NLRP9: variants seen among roughly 807,000 people sequenced by gnomAD.
NLRP9 encodes NLR family pyrin domain containing 9, also known as NACHT, LRR and PYD domains-containing protein 9.
A neutral mutation model predicts 83.1 loss-of-function variants in NLRP9; 88 were observed. The observed-to-expected ratio is 1.06, with a 90% confidence interval of 0.89 to 1.26. NLRP9 has a LOEUF of 1.26. NLRP9 is among the 50% of genes most tolerant of loss of function. The pLI is 0.00. For synonymous variants in NLRP9, 521 were observed against 447.6 expected, an observed-to-expected ratio of 1.16 and a Z score of -2.07; for missense variants, 1,308 against 1,179.3, an observed-to-expected ratio of 1.11 and a Z score of -1.60.
intron 8 of NLRP9, among the ~76,000 whole-genome samples, chr19:55,710,068 A>G (rs1443987717): frequency 6.6e-6 from 1 of 152,172 alleles, no homozygotes; most frequent in Non-Finnish European, 1.5e-5. Flanking sequence ...TTTATCTTAA[A>G]TCTTCAGAGG....
At chr19:55,724,203 C>T in intron 3 of NLRP9, 59 bp from the exon 4 acceptor site, 1 of 1,221,144 alleles carries the variant, frequency 8.2e-7, no homozygotes, top group Non-Finnish European at 1.2e-6. Context: ...CAAAGACAGA[C>T]ACCTCTTGTA....
intron 1 of NLRP9, among the ~76,000 whole-genome samples, chr19:55,734,542 T>TATATATATAC (rs138779232): frequency 4.7e-5 from 7 of 148,520 alleles, no homozygotes; most frequent in Non-Finnish European, 7.4e-5. Context: ...TATATATATA[T>TATATATATAC]ACATATATAC....
Position 55,732,015 on chromosome 19 carries a change from A to C in NLRP9, c.1816T>G (p.Ser606Ala). Reference protein sequence around the residue: ...MCVENIFPDDSGCISDYNEKL... With the variant: ...MCVENIFPDDAGCISDYNEKL... Reference sequence around the variant, plus strand: ...CAGACTCACTCTGAGATGCATCCTGAGTCATCTGGAAAGATATTCTCCACA... The same window carrying C: ...CAGACTCACTCTGAGATGCATCCTGCGTCATCTGGAAAGATATTCTCCACA... The change falls in exon 2 of 9, where the codon TCA becomes GCA. Residue 606 changes from serine (S) to alanine (A), a missense_variant. Ser to Ala is a moderately conservative substitution (Grantham distance 99). Coordinates refer to ENST00000332836, the MANE Select transcript of NLRP9 (RefSeq NM_176820.4). 2.5e-6 allele frequency: 4 copies of C among 1,568,726 alleles called. No homozygotes were observed. The highest frequency in any genetic ancestry group is 1.4e-5 in the African/African-American group (1 of 73,458).
chr19:55,733,598 C>G, intron 1 of NLRP9, 48 bp from the exon 2 acceptor site: 1 of 1,074,648 alleles, frequency 9.3e-7, no homozygotes, highest in Non-Finnish European at 1.4e-6. Context: ...TGCACTCATT[C>G]TTTTATACTT....
rs535094803 is a variant in NLRP9, at chr19:55,720,433, C to T, written c.2160-3535G>A. Among the ~76,000 whole-genome samples, 94 of 152,310 alleles carry T rather than the reference C, an allele frequency of 6.2e-4. No individual in the cohort carries two copies. In the South Asian group the frequency reaches 8.3e-3, roughly 13 times the overall value. ...CTTGGACCTTTGGGCTCAAGAGATCCTCCTGCATCAGCCTGATGAGTAAGC... is the reference window on the plus strand; with the variant it reads ...CTTGGACCTTTGGGCTCAAGAGATCTTCCTGCATCAGCCTGATGAGTAAGC... On this transcript the variant is annotated intron_variant, in intron 4 of 8. Coordinates refer to ENST00000332836, the MANE Select transcript of NLRP9 (RefSeq NM_176820.4).
intron 3 of NLRP9, among the ~76,000 whole-genome samples, chr19:55,728,446 C>T (rs10407202): frequency 0.075 from 11,344 of 152,148 alleles, 481 homozygotes; most frequent in Non-Finnish European, 0.088. Flanking sequence ...GTGGTGCATG[C>T]CTGTAATCCC....
intron 3 of NLRP9, among the ~76,000 whole-genome samples, chr19:55,728,907 CTG>C (rs1314530829): frequency 6.6e-6 from 1 of 152,048 alleles, no homozygotes. Context: ...CAGGGAACAA[CTG>C]TGTTTCTATC....
chr19:55,719,490 C>T (rs1488002036), intron 4 of NLRP9, among the ~76,000 whole-genome samples: 1 of 152,238 alleles, frequency 6.6e-6, no homozygotes, highest in African/African-American at 2.4e-5. Flanking sequence ...TTCTCCATCC[C>T]GCTCAAAGGG....
At chr19:55,710,858 G>A (rs1987682372) in intron 8 of NLRP9, among the ~76,000 whole-genome samples, 2 of 152,096 alleles carry the variant, frequency 1.3e-5, no homozygotes, top group South Asian at 4.1e-4. Flanking sequence ...GGCTGAGGCA[G>A]GTGGATCACC....
At chr19:55,724,511 C>T (rs535674080) in intron 3 of NLRP9, among the ~76,000 whole-genome samples, 45 of 152,142 alleles carry the variant, frequency 3.0e-4, no homozygotes, top group African/African-American at 6.7e-4. Flanking sequence ...CATAAAATGA[C>T]GCACACATAT....
At chr19:55,718,771 C>A (rs1988122561) in intron 4 of NLRP9, among the ~76,000 whole-genome samples, 1 of 152,188 alleles carries the variant, frequency 6.6e-6, no homozygotes, top group Non-Finnish European at 1.5e-5. Context: ...GCGTCTGTCC[C>A]CTGGGCCCAC....
At chr19:55,723,794 CCTT>C (rs1455527777) in intron 4 of NLRP9, among the ~76,000 whole-genome samples, 183 bp downstream of exon 4, 1 of 149,986 alleles carries the variant, frequency 6.7e-6, no homozygotes, top group Non-Finnish European at 1.5e-5. Flanking sequence ...CGGAAACAAA[CCTT>C]CTGAGAGGAG....
chr19:55,733,426 CA>C lies in NLRP9; in HGVS notation c.404del (p.Leu135Ter). On this transcript the variant is annotated frameshift_variant, in exon 2 of 9. Coordinates refer to ENST00000332836, the MANE Select transcript of NLRP9 (RefSeq NM_176820.4). LOFTEE classifies it high-confidence loss of function. ...TAGCCGCAGCAGTATATGCGTCATT[CA>C]ATTCTTTATACTCATTTTTCATGGT... ...KETMKNEYKE[L>X]NDAYTAAARR... 1 of 1,614,014 alleles carries C rather than the reference CA, an allele frequency of 6.2e-7. No individual in the cohort carries two copies.
In NLRP9 at chr19:55,733,919, A is replaced by ATTTTTTTTTTT. The variant is rs765779528; in HGVS notation, c.281-380_281-370dup. Among the ~76,000 whole-genome samples, 246 of 117,848 alleles carry ATTTTTTTTTTT rather than the reference A, an allele frequency of 2.1e-3. 22 individuals carry two copies. The highest frequency in any genetic ancestry group is 7.3e-3 in the African/African-American group (203 of 27,894). The allele number at this position is 117,848 out of a possible 152,430, so 77.3% of individuals were successfully genotyped here. A position where few individuals can be genotyped will look rare whatever the true frequency, so the allele number is the denominator to read the frequency against. ...ATAAACTCAACCAGTTGTCAACCAA[A>ATTTTTTTTTTT]TTTTTTTTTTTTTTTTTTTTTGAGA... On this transcript the variant is annotated intron_variant, in intron 1 of 8. Coordinates refer to ENST00000332836, the MANE Select transcript of NLRP9 (RefSeq NM_176820.4).
In NLRP9 at chr19:55,710,889, T is replaced by C. The variant is rs146960202; in HGVS notation, c.2843+911A>G. On this transcript the variant is annotated intron_variant, in intron 8 of 8. Coordinates refer to ENST00000332836, the MANE Select transcript of NLRP9 (RefSeq NM_176820.4). ...TCACCTGAGGTCAGGAGTTCGAGACTAGCCTGGCCAACATGGTGAAACCCC... is the reference window on the plus strand; with the variant it reads ...TCACCTGAGGTCAGGAGTTCGAGACCAGCCTGGCCAACATGGTGAAACCCC... Among the ~76,000 whole-genome samples, 318 of 152,130 alleles carry C rather than the reference T, an allele frequency of 2.1e-3. 1 individual carries two copies. The East Asian group carries it at 0.035, about 17-fold the overall frequency.
At chr19:55,723,312 A>G (rs1263398075) in intron 4 of NLRP9, among the ~76,000 whole-genome samples, 1 of 152,116 alleles carries the variant, frequency 6.6e-6, no homozygotes, top group Admixed American at 6.6e-5. Flanking sequence ...CACACTTGTG[A>G]TCATTAACAT....
intron 5 of NLRP9, among the ~76,000 whole-genome samples, chr19:55,716,037 T>C (rs1987995991): frequency 6.6e-6 from 1 of 152,240 alleles, no homozygotes; most frequent in Non-Finnish European, 1.5e-5. Context: ...GTCAACATTT[T>C]ACTATGGATA....
intron 3 of NLRP9, among the ~76,000 whole-genome samples, chr19:55,724,445 G>A (rs1364520117): frequency 6.6e-6 from 1 of 152,086 alleles, no homozygotes. Context: ...ATGGGGACAG[G>A]AACAAACTAT....
chr19:55,724,479 G>A (rs975090726), intron 3 of NLRP9, among the ~76,000 whole-genome samples: 2 of 152,074 alleles, frequency 1.3e-5, no homozygotes, highest in Non-Finnish European at 2.9e-5. Flanking sequence ...TGTATTCTGA[G>A]ATTAATGTGA....
Sources: gnomAD v4.1 joint callset for allele counts (sites outside exome capture counted in the v4.1 genomes callset) on GRCh38, gnomAD v4.1.1 for gene constraint, MANE v1.5 for transcripts, NCBI Gene and HGNC (gene_info 2026-07-23, HGNC 2026-07-21) for gene names.